FGGY: variants seen among roughly 807,000 people sequenced by gnomAD.
FGGY encodes FGGY carbohydrate kinase domain-containing protein.
FGGY carries 72 observed loss-of-function variants against 71.3 expected under a neutral mutation model. The observed-to-expected ratio is 1.01, with a 90% CI of 0.84 to 1.23. The LOEUF (loss-of-function observed/expected upper bound fraction) is 1.23, where lower values mean the gene tolerates loss of function less well. Among genes scored for constraint, FGGY ranks in the 50% most tolerant of loss-of-function variants. The pLI is 0.00. For synonymous variants in FGGY, 251 were observed against 250.3 expected (o/e 1.00, Z -0.02); for missense variants, 668 against 682.3 (o/e 0.98, Z 0.23).
chr1:59,332,908 A>AGTGTT (rs2048778739), intron 2 of FGGY, among the ~76,000 whole-genome samples: 1 of 152,202 alleles, frequency 6.6e-6, no homozygotes, highest in African/African-American at 2.4e-5. Context: ...TTCCATGAAC[A>AGTGTT]CAATAAGGCA....
chr1:59,609,648 A>G (rs1298676424), intron 9 of FGGY, among the ~76,000 whole-genome samples: 1 of 152,232 alleles, frequency 6.6e-6, no homozygotes, highest in Non-Finnish European at 1.5e-5. Flanking sequence ...TGATTTGCCT[A>G]CCAACTCTTC....
intron 1 of FGGY, among the ~76,000 whole-genome samples, chr1:59,317,218 G>A (rs970221389): frequency 6.6e-6 from 1 of 152,204 alleles, no homozygotes; most frequent in Admixed American, 6.5e-5. Flanking sequence ...TCTTATTGAA[G>A]AAGTAATCAA....
At chr1:59,388,909 C>A (rs1461023771) in intron 5 of FGGY, among the ~76,000 whole-genome samples, 1 of 152,098 alleles carries the variant, frequency 6.6e-6, no homozygotes, top group Non-Finnish European at 1.5e-5. Flanking sequence ...CAAACGGAAG[C>A]TGCTACTATT....
intron 4 of FGGY, among the ~76,000 whole-genome samples, chr1:59,374,779 A>G (rs1423465798): frequency 3.3e-5 from 5 of 151,990 alleles, no homozygotes; most frequent in African/African-American, 1.2e-4. Flanking sequence ...GAAATTGGAA[A>G]TCATCATTCT....
intron 8 of FGGY, among the ~76,000 whole-genome samples, chr1:59,596,803 C>T (rs1471561326): frequency 3.9e-5 from 6 of 152,128 alleles, no homozygotes; most frequent in African/African-American, 1.2e-4. Flanking sequence ...GCACATGTAC[C>T]GCCGTGTGCT....
chr1:59,473,236 C>G (rs184300337), intron 6 of FGGY, among the ~76,000 whole-genome samples: 2 of 152,124 alleles, frequency 1.3e-5, no homozygotes, highest in African/African-American at 4.8e-5. Context: ...AGCGAGACCA[C>G]GAACCCACCG....
intron 5 of FGGY, among the ~76,000 whole-genome samples, chr1:59,447,601 A>G (rs1385944929): frequency 6.6e-6 from 1 of 152,120 alleles, no homozygotes; most frequent in Non-Finnish European, 1.5e-5. Flanking sequence ...AGTGGGAGAT[A>G]ATTGAATCAT....
At chr1:59,411,641 T>C (rs1324073521) in intron 5 of FGGY, among the ~76,000 whole-genome samples, 1 of 152,260 alleles carries the variant, frequency 6.6e-6, no homozygotes, top group Admixed American at 6.5e-5. Flanking sequence ...GTAGGTGGCT[T>C]TATCCTCGCC....
intron 13 of FGGY, among the ~76,000 whole-genome samples, chr1:59,671,115 C>T (rs1462008276): frequency 8.5e-5 from 13 of 152,172 alleles, no homozygotes; most frequent in Admixed American, 8.5e-4. Flanking sequence ...CTAAGAAGAA[C>T]AGTAATGTCC....
intron 5 of FGGY, among the ~76,000 whole-genome samples, chr1:59,425,488 C>T (rs995667211): frequency 1.3e-5 from 2 of 152,004 alleles, no homozygotes; most frequent in African/African-American, 4.8e-5. Flanking sequence ...GAGCATAATG[C>T]GTAGAGGAGG....
chr1:59,467,560 T>C (rs893459759), intron 6 of FGGY, among the ~76,000 whole-genome samples: 8 of 152,210 alleles, frequency 5.3e-5, no homozygotes, highest in African/African-American at 1.9e-4. Flanking sequence ...TTCTTTGATC[T>C]TACATTTCCC....
chr1:59,552,132 C>T (rs1296191077), intron 7 of FGGY, among the ~76,000 whole-genome samples: 2 of 152,124 alleles, frequency 1.3e-5, no homozygotes, highest in African/African-American at 4.8e-5. Flanking sequence ...AGTCTGAGGG[C>T]AGGGGACACC....
chr1:59,651,892 G>A (rs905374581), intron 11 of FGGY, among the ~76,000 whole-genome samples: 24 of 151,974 alleles, frequency 1.6e-4, no homozygotes, highest in Admixed American at 1.2e-3. Context: ...GGCTGGTACC[G>A]ATTGTTCCTT....
At chr1:59,519,099 C>T (rs754109838) in intron 7 of FGGY, among the ~76,000 whole-genome samples, 6 of 152,192 alleles carry the variant, frequency 3.9e-5, no homozygotes, top group Non-Finnish European at 8.8e-5. Flanking sequence ...AGTTGAGGCT[C>T]ACAAGACTAC....
At chr1:59,698,659 C>A in intron 14 of FGGY, 1 of 716,086 alleles carries the variant, frequency 1.4e-6, no homozygotes, top group Non-Finnish European at 1.7e-6. Context: ...TTCTGACCCA[C>A]CTCTCCCCTT....
intron 12 of FGGY, among the ~76,000 whole-genome samples, chr1:59,663,929 A>G (rs1340686540): frequency 2.0e-5 from 3 of 152,190 alleles, no homozygotes; most frequent in Non-Finnish European, 1.5e-5. Context: ...CTCTATATAT[A>G]GTCATATCTT....
intron 8 of FGGY, among the ~76,000 whole-genome samples, chr1:59,586,416 C>T (rs2096288049): frequency 6.6e-6 from 1 of 151,980 alleles, no homozygotes; most frequent in African/African-American, 2.4e-5. Context: ...GACAAAAAAC[C>T]AAACACCACA....
intron 8 of FGGY, among the ~76,000 whole-genome samples, chr1:59,579,619 T>C (rs533405200): frequency 1.3e-5 from 2 of 152,256 alleles, no homozygotes; most frequent in African/African-American, 4.8e-5. Context: ...TGTGCTCCAG[T>C]AAATGCTGTC....
chr1:59,539,486 C>T (rs1434438998), intron 7 of FGGY, among the ~76,000 whole-genome samples: 6 of 152,106 alleles, frequency 3.9e-5, no homozygotes, highest in African/African-American at 1.2e-4. Flanking sequence ...GCAAAGATGC[C>T]GTTGCCAGAG....
Sources: allele counts gnomAD v4.1 joint callset (sites outside exome capture counted in the v4.1 genomes callset), GRCh38; gene constraint gnomAD v4.1.1; transcripts MANE v1.5; gene names NCBI Gene and HGNC (gene_info 2026-07-23, HGNC 2026-07-21).